The following GOLM2 variants were observed in gnomAD, a reference collection of about 807,000 sequenced individuals.
GOLM2 encodes protein GOLM2.
In GOLM2, 26 loss-of-function variants were observed where a neutral mutation model predicts 55.9. That is an observed-to-expected ratio of 0.47 (90% CI 0.34 to 0.65). The LOEUF is 0.65. GOLM2 is among the 30% of genes least tolerant of loss of function. GOLM2 has a pLI of 0.01. For missense variants in GOLM2, 486 were observed against 531.8 expected, an observed-to-expected ratio of 0.91 and a Z score of 0.85; for synonymous variants, 165 against 194.6, an observed-to-expected ratio of 0.85 and a Z score of 1.27.
intron 9 of GOLM2, among the ~76,000 whole-genome samples, chr15:44,408,239 C>T (rs2079611086): frequency 6.6e-6 from 1 of 152,074 alleles, no homozygotes; most frequent in Non-Finnish European, 1.5e-5. Flanking sequence ...TAGTGGTTAT[C>T]TGTTATTCTA....
At chr15:44,367,238 C>T (rs1489745603) in intron 6 of GOLM2, among the ~76,000 whole-genome samples, 2 of 148,658 alleles carry the variant, frequency 1.3e-5, no homozygotes, top group African/African-American at 4.9e-5. Context: ...TCTGTCTGGC[C>T]CTTTAAGAAA....
chr15:44,402,765 T>C (rs2079573761), intron 8 of GOLM2, 122 bp from the exon 9 acceptor site: 4 of 794,790 alleles, frequency 5.0e-6, no homozygotes, highest in Non-Finnish European at 8.0e-6. Context: ...AATGTATCCT[T>C]TTATATCCAG....
intron 8 of GOLM2, among the ~76,000 whole-genome samples, chr15:44,399,867 C>T (rs1004290125): frequency 7.9e-5 from 12 of 151,754 alleles, no homozygotes; most frequent in South Asian, 2.1e-4. Flanking sequence ...TGGTGGTAGG[C>T]GCCTGTAATC....
intron 6 of GOLM2, among the ~76,000 whole-genome samples, chr15:44,353,652 A>T (rs1483698793): frequency 5.3e-5 from 8 of 152,150 alleles, no homozygotes; most frequent in Non-Finnish European, 1.5e-5. Context: ...TATGGTCATT[A>T]TGTTAGGTGA....
rs149592388 is a variant in GOLM2, at chr15:44,394,980, T to C, written c.1073-7907T>C. 3.3e-5 allele frequency among the ~76,000 whole-genome samples: 5 copies of C among 152,246 alleles called. No homozygotes were observed. The East Asian group carries it at 9.6e-4, about 29-fold the overall frequency. ...AGTTTCATTTTGCTTACAATAGTGGTAATATATTACATTAATGACATAAAA... is the reference window on the plus strand; with the variant it reads ...AGTTTCATTTTGCTTACAATAGTGGCAATATATTACATTAATGACATAAAA... On this transcript the variant is annotated intron_variant, in intron 8 of 9. Transcript: ENST00000299957.
rs1284197312 is a variant in GOLM2 at position 44,344,917 on chromosome 15, A to G, written c.802+6600A>G. On this transcript the variant is annotated intron_variant, in intron 6 of 9. Transcript: ENST00000299957. The stretch of plus-strand genomic sequence containing the variant: ...CTCAGCCTCCTGAGTAGCTGGGACT[A>G]CAGGCACCCGCCACAAGTAGCTGGG... 2.0e-5 allele frequency among the ~76,000 whole-genome samples: 3 copies of G among 148,300 alleles called. No homozygotes were observed. The East Asian group carries it at 6.0e-4, about 29-fold the overall frequency.
At chr15:44,327,820 C>T (rs2078995015) in intron 2 of GOLM2, among the ~76,000 whole-genome samples, 2 of 152,286 alleles carry the variant, frequency 1.3e-5, no homozygotes, top group South Asian at 2.1e-4. Context: ...AATTTACTAT[C>T]CAGTTTGGAA....
intron 6 of GOLM2, chr15:44,355,212 C>T: frequency 6.0e-6 from 1 of 166,254 alleles, no homozygotes; most frequent in South Asian, 1.6e-4. Context: ...GACTCCTGAC[C>T]ACAGTCCCTG....
chr15:44,361,841 C>T (rs545285395), intron 6 of GOLM2, among the ~76,000 whole-genome samples: 18 of 152,234 alleles, frequency 1.2e-4, no homozygotes, highest in South Asian at 2.1e-4. Flanking sequence ...AAAGCTTATC[C>T]GCCATGATCA....
intron 8 of GOLM2, among the ~76,000 whole-genome samples, chr15:44,392,505 A>G (rs886255616): frequency 6.6e-6 from 1 of 151,738 alleles, no homozygotes; most frequent in Non-Finnish European, 1.5e-5. Flanking sequence ...CACATATAGT[A>G]CCAGCTACTT....
At chr15:44,340,380 C>T (rs956118251) in intron 6 of GOLM2, among the ~76,000 whole-genome samples, 4 of 152,088 alleles carry the variant, frequency 2.6e-5, no homozygotes, top group African/African-American at 7.2e-5. Context: ...GCCATCCTCC[C>T]ACCTCAGCCT....
At chr15:44,306,748 T>G (rs2078840111) in intron 1 of GOLM2, among the ~76,000 whole-genome samples, 2 of 152,320 alleles carry the variant, frequency 1.3e-5, no homozygotes, top group South Asian at 4.1e-4. Flanking sequence ...TCTCAGGAAA[T>G]AGGGAAGCCT....
At chr15:44,313,858 A>T (rs1351547377) in intron 1 of GOLM2, among the ~76,000 whole-genome samples, 1 of 152,188 alleles carries the variant, frequency 6.6e-6, no homozygotes, top group Non-Finnish European at 1.5e-5. Flanking sequence ...AAAATTTCTT[A>T]ATAAGATGAA....
intron 1 of GOLM2, among the ~76,000 whole-genome samples, chr15:44,301,955 G>C (rs1424971881): frequency 6.6e-6 from 1 of 150,848 alleles, no homozygotes; most frequent in Non-Finnish European, 1.5e-5. Context: ...TGGCACCACT[G>C]TACTCCAGGC....
At chr15:44,320,996 A>G (rs2078944578) in intron 1 of GOLM2, among the ~76,000 whole-genome samples, 1 of 152,192 alleles carries the variant, frequency 6.6e-6, no homozygotes, top group African/African-American at 2.4e-5. Flanking sequence ...TGCCTAATAC[A>G]GATATAATCA....
intron 8 of GOLM2, among the ~76,000 whole-genome samples, chr15:44,385,310 C>T (rs1159492938): frequency 6.6e-6 from 1 of 151,680 alleles, no homozygotes. Flanking sequence ...TATAAGAGTT[C>T]CAATTTCTCC....
chr15:44,365,191 A>G (rs1246217326), intron 6 of GOLM2, among the ~76,000 whole-genome samples: 1 of 152,200 alleles, frequency 6.6e-6, no homozygotes, highest in Non-Finnish European at 1.5e-5. Flanking sequence ...ACAATGGAAT[A>G]TTATTTACCA....
intron 8 of GOLM2, among the ~76,000 whole-genome samples, chr15:44,388,096 T>C (rs978737252): frequency 2.0e-5 from 3 of 151,356 alleles, no homozygotes; most frequent in Non-Finnish European, 4.4e-5. Context: ...GCCAATATGG[T>C]AAAACCCCAT....
chr15:44,409,591 T>A (rs2079622244), intron 9 of GOLM2: 2 of 32,696 alleles, frequency 6.1e-5, no homozygotes, highest in African/African-American at 1.5e-4. Context: ...ACCCTCTCTC[T>A]CAAAAAAAAA....
Sources: allele counts gnomAD v4.1 joint callset (sites outside exome capture counted in the v4.1 genomes callset), GRCh38; gene constraint gnomAD v4.1.1; transcripts MANE v1.5; gene names NCBI Gene and HGNC (gene_info 2026-07-23, HGNC 2026-07-21).